The following USP7 variants were observed in gnomAD, a reference collection of about 807,000 sequenced individuals.
USP7 encodes ubiquitin C-terminal hydrolase 7.
Under a neutral mutation model 162.9 loss-of-function variants are expected in USP7, and 9 were observed. The ratio of observed to expected loss-of-function variants is 0.06; its 90% confidence interval spans 0.03 to 0.10. The LOEUF is 0.10. Ranked by LOEUF, USP7 falls within the 10% of genes least tolerant of loss-of-function variation. The pLI is 1.00. For synonymous variants in USP7, 562 were observed against 475.9 expected, an observed-to-expected ratio of 1.18 and a Z score of -2.35; for missense variants, 715 against 1,373.7, an observed-to-expected ratio of 0.52 and a Z score of 7.58.
chr16:8,900,247 T>A (rs953060828), intron 21 of USP7: 12 of 345,200 alleles, frequency 3.5e-5, no homozygotes, highest in Non-Finnish European at 5.7e-5. Flanking sequence ...TTCGATTTCA[T>A]AAATCTCAGG....
At position 8,921,267 on chromosome 16, in the gene USP7, G is replaced by A. The variant is rs770958985; in HGVS notation, c.412C>T (p.Leu138=). The A allele has an allele frequency of 1.1e-5, 17 of 1,613,936 alleles. No homozygotes were observed. The African/African-American group carries it at 1.5e-4, about 14-fold the overall frequency. The change falls in exon 4 of 31, where the codon CTG becomes TTG. Residue 138 remains leucine, a synonymous_variant. Transcript: ENST00000344836. ...TSWSCHAQAV[L]KIINYRDDEK... is the part of the protein sequence containing the mutation. ...TCATCTCTGTAATTTATTATCTTCA[G>A]CACTGCTTGTGCATGGCAAGACCAT...
chr16:8,923,487 T>A, intron 2 of USP7, 74 bp from the exon 3 acceptor site: 1 of 1,488,966 alleles, frequency 6.7e-7, no homozygotes, highest in Non-Finnish European at 9.2e-7. Flanking sequence ...CGACATGGAG[T>A]AAACTGTTCT....
intron 24 of USP7, 46 bp from the exon 25 acceptor site, chr16:8,898,483 C>T: frequency 6.2e-7 from 1 of 1,606,106 alleles, no homozygotes; most frequent in South Asian, 1.1e-5. Context: ...CACCAAAACC[C>T]CGAGCCTTCT....
chr16:8,896,702 A>T (rs1341341767), intron 26 of USP7, among the ~76,000 whole-genome samples: 1 of 152,188 alleles, frequency 6.6e-6, no homozygotes, highest in African/African-American at 2.4e-5. Context: ...TACTACAGCT[A>T]ATGTTATCAG....
chr16:8,955,556 A>C (rs747678622), intron 1 of USP7, among the ~76,000 whole-genome samples: 7 of 152,100 alleles, frequency 4.6e-5, no homozygotes, highest in Non-Finnish European at 1.0e-4. Context: ...AATACAAAAA[A>C]TTAGCCGGGC....
chr16:8,899,008 TG>T (rs2061732749), intron 23 of USP7, 112 bp downstream of exon 23: 8 of 1,117,744 alleles, frequency 7.2e-6, no homozygotes, highest in Non-Finnish European at 1.1e-5. Flanking sequence ...AAGCAAGAAA[TG>T]GACTGTCAGG....
chr16:8,905,164 G>GA, intron 14 of USP7, 23 bp downstream of exon 14: 1 of 1,610,144 alleles, frequency 6.2e-7, no homozygotes, highest in Non-Finnish European at 8.5e-7. Context: ...GTAAAGAACA[G>GA]AACAAAAGTG....
intron 1 of USP7, among the ~76,000 whole-genome samples, chr16:8,937,566 G>A (rs962912748): frequency 6.6e-6 from 1 of 152,052 alleles, no homozygotes; most frequent in African/African-American, 2.4e-5. Context: ...TGGGTGTGGT[G>A]GTGCACACCT....
chr16:8,908,499 T>C (rs779865840), intron 11 of USP7, 49 bp from the exon 12 acceptor site: 3 of 1,505,176 alleles, frequency 2.0e-6, no homozygotes, highest in South Asian at 2.5e-5. Flanking sequence ...TACTTACTCC[T>C]GGAAGCAATG....
intron 14 of USP7, among the ~76,000 whole-genome samples, chr16:8,904,923 G>C (rs1014615754): frequency 1.3e-5 from 2 of 152,192 alleles, no homozygotes. Context: ...AGTGAGCCGA[G>C]ATCGCGCCAC....
intron 1 of USP7, among the ~76,000 whole-genome samples, chr16:8,961,501 A>C (rs1900008224): frequency 1.3e-5 from 1 of 78,258 alleles, no homozygotes; most frequent in Non-Finnish European, 2.9e-5. Flanking sequence ...TCAAAAAAAA[A>C]AAAGGGGGGG....
intron 16 of USP7, 148 bp downstream of exon 16, chr16:8,903,120 G>A (rs2061803842): frequency 6.4e-6 from 7 of 1,089,368 alleles, no homozygotes; most frequent in Admixed American, 2.7e-5. Flanking sequence ...TTCTCAGGCA[G>A]GAAATGTTCC....
At position 8,916,567 on chromosome 16, in the gene USP7, T is replaced by C; in HGVS notation, c.852-11A>G. On this transcript the variant is annotated splice_polypyrimidine_tract_variant and intron_variant, in intron 7 of 30. Transcript: ENST00000344836. ...TCTAAAGTTTCCCACCTTTCAAAGA[T>C]AAAACAAACAACTCCATTTAAAGCT... 6.5e-7 allele frequency: 1 copy of C among 1,542,476 alleles called. No homozygotes were observed. Among genetic ancestry groups the C allele is most frequent in the South Asian group, 1.2e-5 (1 of 85,928 alleles).
Position 8,903,271 on chromosome 16 carries a change from G to C in USP7, c.1836C>G (p.Thr612=). Residue 612 remains threonine, a synonymous_variant, in exon 16 of 31, where the codon ACC becomes ACG. Coordinates refer to ENST00000344836, the MANE Select transcript of USP7 (RefSeq NM_003470.3). ...TATCCACGGGACCGGTACGCACCATGGTCTGAGAGAGGCTCTGAACAAACT... is the reference window on the plus strand; with the variant it reads ...TATCCACGGGACCGGTACGCACCATCGTCTGAGAGAGGCTCTGAACAAACT... ...LAEFVQSLSQ[T]MGFPQDQIRL... is the part of the protein sequence containing the mutation. The C allele has an allele frequency of 6.2e-7, 1 of 1,613,494 alleles. No homozygotes were observed. The highest frequency in any genetic ancestry group is 1.1e-5 in the South Asian group (1 of 90,988).
intron 2 of USP7, among the ~76,000 whole-genome samples, chr16:8,928,814 A>G (rs941398002): frequency 2.0e-5 from 3 of 152,142 alleles, no homozygotes; most frequent in African/African-American, 7.2e-5. Context: ...ATTTAGTGAA[A>G]TGTACCTCAA....
At chr16:8,894,251 G>A in intron 30 of USP7, 147 bp from the exon 31 acceptor site, 1 of 755,380 alleles carries the variant, frequency 1.3e-6, no homozygotes, top group South Asian at 1.6e-5. Context: ...CGCCCACCTG[G>A]AGCTAAGGAG....
intron 16 of USP7, 71 bp from the exon 17 acceptor site, chr16:8,902,553 A>G (rs2061791997): frequency 5.0e-6 from 6 of 1,190,516 alleles, no homozygotes; most frequent in East Asian, 5.1e-5. Context: ...TTACACACAC[A>G]TATGTATATA....
At chr16:8,900,493 T>C in intron 21 of USP7, 37 bp downstream of exon 21, 1 of 1,453,224 alleles carries the variant, frequency 6.9e-7, no homozygotes, top group East Asian at 2.4e-5. Flanking sequence ...ATCCTGAAAT[T>C]AGTACAAAGT....
rs747309292 is a variant in USP7 at position 8,898,500 on chromosome 16, G to A, written c.2640+31C>T. ...CCAAAACCCCGAGCCTTCTCTTTAT[G>A]ACCCATAGTTACATTAATTTGGACT... On this transcript the variant is annotated intron_variant, in intron 24 of 30. Transcript: ENST00000344836. The A allele has an allele frequency of 5.6e-6, 9 of 1,604,718 alleles. No homozygotes were observed. In the African/African-American group the frequency reaches 1.1e-4, roughly 19 times the overall value.
Sources: gnomAD v4.1 joint callset for allele counts (sites outside exome capture counted in the v4.1 genomes callset) on GRCh38, gnomAD v4.1.1 for gene constraint, MANE v1.5 for transcripts, NCBI Gene and HGNC (gene_info 2026-07-23, HGNC 2026-07-21) for gene names.